The following CABLES1 variants were observed in gnomAD, a reference collection of about 807,000 sequenced individuals.
The protein encoded by CABLES1 is Cdk5 and Abl enzyme substrate 1, also known as CDK5 and ABL1 enzyme substrate 1.
A neutral mutation model predicts 57.8 loss-of-function variants in CABLES1; 36 were observed. The ratio of observed to expected loss-of-function variants is 0.62; its 90% CI spans 0.48 to 0.82. The LOEUF is 0.82. Ranked by LOEUF, CABLES1 falls within the 40% of genes least tolerant of loss-of-function variation. The pLI is 0.00. For synonymous variants in CABLES1, 374 were observed against 363.0 expected, an observed-to-expected ratio of 1.03 and a Z score of -0.35; for missense variants, 767 against 836.6, an observed-to-expected ratio of 0.92 and a Z score of 1.03.
chr18:23,138,090 C>T (rs2046834881), intron 1 of CABLES1, among the ~76,000 whole-genome samples: 1 of 152,186 alleles, frequency 6.6e-6, no homozygotes, highest in Admixed American at 6.6e-5. Flanking sequence ...GCCCAGCAGT[C>T]AAGAGGGTTA....
intron 1 of CABLES1, among the ~76,000 whole-genome samples, chr18:23,167,956 A>G (rs1002865442): frequency 1.3e-5 from 2 of 152,214 alleles, no homozygotes; most frequent in Non-Finnish European, 2.9e-5. Flanking sequence ...CTGTAACTCC[A>G]TGGAGCTGAG....
chr18:23,180,670 C>T (rs181509654), intron 1 of CABLES1, among the ~76,000 whole-genome samples: 2 of 152,274 alleles, frequency 1.3e-5, no homozygotes, highest in Non-Finnish European at 2.9e-5. Context: ...CCACTAAGCG[C>T]AGCTGATTTT....
chr18:23,246,433 C>T (rs564202157), intron 7 of CABLES1, among the ~76,000 whole-genome samples: 6 of 152,114 alleles, frequency 3.9e-5, no homozygotes, highest in African/African-American at 1.4e-4. Context: ...GCTCTGTCGC[C>T]CAGGCTGAAG....
At chr18:23,160,134 T>TTG (rs1216700946) in intron 1 of CABLES1, among the ~76,000 whole-genome samples, 1 of 150,972 alleles carries the variant, frequency 6.6e-6, no homozygotes, top group Non-Finnish European at 1.5e-5. Context: ...GCCTCCCAGG[T>TTG]TCAAGCGATT....
chr18:23,169,054 G>C (rs1013943655), intron 1 of CABLES1, among the ~76,000 whole-genome samples: 1 of 152,108 alleles, frequency 6.6e-6, no homozygotes, highest in Non-Finnish European at 1.5e-5. Context: ...AAAAAAGTCG[G>C]CTAAATCCCA....
intron 1 of CABLES1, among the ~76,000 whole-genome samples, chr18:23,145,225 C>T (rs570798657): frequency 6.6e-6 from 1 of 152,254 alleles, no homozygotes; most frequent in African/African-American, 2.4e-5. Flanking sequence ...GCATGAGCCA[C>T]CGTGCCTGGC....
At chr18:23,246,586 T>C (rs998555901) in intron 7 of CABLES1, among the ~76,000 whole-genome samples, 1 of 151,250 alleles carries the variant, frequency 6.6e-6, no homozygotes, top group Non-Finnish European at 1.5e-5. Context: ...AGAGATGGGG[T>C]TTCACCGTGT....
intron 1 of CABLES1, among the ~76,000 whole-genome samples, chr18:23,174,521 G>A (rs2047106617): frequency 1.3e-5 from 2 of 151,498 alleles, no homozygotes; most frequent in South Asian, 2.1e-4. Flanking sequence ...GCCCAGGCTG[G>A]AGTGCAGTGG....
intron 1 of CABLES1, among the ~76,000 whole-genome samples, chr18:23,155,360 G>A (rs1001594013): frequency 6.6e-6 from 1 of 152,180 alleles, no homozygotes; most frequent in Admixed American, 6.5e-5. Context: ...TGTGAGTTGG[G>A]AAACAAATCA....
rs1321488015 is a variant in CABLES1, at chr18:23,135,514, G to GGCCA, written c.-242_-239dup. 6.6e-6 allele frequency: 1 copy of GGCCA among 151,058 alleles called. No individual in the cohort carries two copies. Among genetic ancestry groups the GGCCA allele is most frequent in the Admixed American group, 6.7e-5 (1 of 14,936 alleles). The allele number at this position is 151,058 out of a possible 1,614,324, so 9.4% of individuals were successfully genotyped here. A position where few individuals can be genotyped will look rare whatever the true frequency, so the allele number is the denominator to read the frequency against. ...GCCAGCGGCCAGGCGACCGGCGGGC[G>GGCCA]GCCAGCCAGCGAGCCGAACTAGCCG... On this transcript the variant is annotated 5_prime_UTR_variant, in exon 1 of 10. Transcript: ENST00000256925.
intron 3 of CABLES1, chr18:23,197,033 A>C (rs1244188844): frequency 6.6e-6 from 1 of 152,294 alleles, no homozygotes; most frequent in Admixed American, 6.5e-5. Flanking sequence ...TCATCTCAGC[A>C]AGGACCAGAG....
chr18:23,250,838 C>G (rs1360575326), intron 7 of CABLES1, among the ~76,000 whole-genome samples: 1 of 152,228 alleles, frequency 6.6e-6, no homozygotes, highest in African/African-American at 2.4e-5. Context: ...CTGAACAGGT[C>G]TGGTGGAATT....
At chr18:23,157,927 TG>T (rs2144970412) in intron 1 of CABLES1, among the ~76,000 whole-genome samples, 1 of 152,218 alleles carries the variant, frequency 6.6e-6, no homozygotes, top group South Asian at 2.1e-4. Context: ...TTCTCCACGT[TG>T]GGCAATTTAT....
At chr18:23,237,341 C>T (rs1568081265) in intron 7 of CABLES1, 96 bp downstream of exon 7, 2 of 837,494 alleles carry the variant, frequency 2.4e-6, no homozygotes, top group Admixed American at 1.8e-5. Context: ...ACTGCTCTGC[C>T]TGGGGGACCT....
At chr18:23,232,882 T>C (rs1457303520) in intron 4 of CABLES1, among the ~76,000 whole-genome samples, 2 of 152,174 alleles carry the variant, frequency 1.3e-5, no homozygotes, top group African/African-American at 4.8e-5. Context: ...TGTTTTTTTT[T>C]CTATATTGGA....
intron 4 of CABLES1, chr18:23,219,077 A>G (rs1218781718): frequency 9.6e-6 from 4 of 417,060 alleles, no homozygotes; most frequent in South Asian, 1.7e-5. Context: ...CCATACCAGC[A>G]TGCCACCTAT....
At chr18:23,160,542 A>C (rs1017225140) in intron 1 of CABLES1, among the ~76,000 whole-genome samples, 2 of 152,020 alleles carry the variant, frequency 1.3e-5, no homozygotes, top group African/African-American at 4.8e-5. Context: ...GACCTTGAGC[A>C]TGTCTGTTGT....
chr18:23,176,676 CT>C (rs1285583904), intron 1 of CABLES1, among the ~76,000 whole-genome samples: 1 of 152,162 alleles, frequency 6.6e-6, no homozygotes, highest in Non-Finnish European at 1.5e-5. Context: ...AGGCATCAGT[CT>C]TTGTTTCCAT....
In CABLES1 at chr18:23,252,649, G is replaced by A. The variant is rs187749216; in HGVS notation, c.1447-311G>A. 4.1e-4 allele frequency among the ~76,000 whole-genome samples: 63 copies of A among 152,260 alleles called. No homozygotes were observed. The Middle Eastern group carries it at 0.01, about 25-fold the overall frequency. ...GCCCCACGCGCTTAAGCCCCATACC[G>A]TGTGAACAGGCTGACACCTGGGAAC... On this transcript the variant is annotated intron_variant, in intron 7 of 9. Transcript: ENST00000256925.
Sources: gnomAD v4.1 joint callset for allele counts (sites outside exome capture counted in the v4.1 genomes callset) on GRCh38, gnomAD v4.1.1 for gene constraint, MANE v1.5 for transcripts, NCBI Gene and HGNC (gene_info 2026-07-23, HGNC 2026-07-21) for gene names.